PLPPR4: variants seen among roughly 807,000 people sequenced by gnomAD.
PLPPR4 encodes the protein phospholipid phosphatase-related protein type 4.
A neutral mutation model predicts 56.6 loss-of-function variants in PLPPR4; 24 were observed. The ratio of observed to expected loss-of-function variants is 0.42; its 90% CI spans 0.31 to 0.60. The LOEUF is 0.60. Ranked by LOEUF, PLPPR4 falls within the 20% of genes least tolerant of loss-of-function variation. PLPPR4 has a pLI of 0.13. For synonymous variants in PLPPR4, 326 were observed against 328.1 expected, an observed-to-expected ratio of 0.99 and a Z score of 0.07; for missense variants, 654 against 885.8, an observed-to-expected ratio of 0.74 and a Z score of 3.32.
At chr1:99,302,371 G>A (rs151112244) in intron 6 of PLPPR4, among the ~76,000 whole-genome samples, 1 of 151,920 alleles carries the variant, frequency 6.6e-6, no homozygotes, top group African/African-American at 2.4e-5. Context: ...AATATCCTCA[G>A]CATAAGGAAA....
At chr1:99,275,563 T>C in intron 1 of PLPPR4, among the ~76,000 whole-genome samples, 1 of 152,182 alleles carries the variant, frequency 6.6e-6, no homozygotes. Context: ...GCTTAATTAA[T>C]GAATATAGGG....
chr1:99,307,790 AAT>A lies in PLPPR4; in HGVS notation c.*781_*782del, dbSNP rs1435817241. 5.9e-5 allele frequency: 9 copies of A among 152,188 alleles called. No homozygotes were observed. The highest frequency in any genetic ancestry group is 2.2e-4 in the African/African-American group (9 of 41,462). 9.4% of individuals were successfully genotyped at this position (152,188 alleles called of 1,614,324 possible). On this transcript the variant is annotated 3_prime_UTR_variant, in exon 7 of 7. Transcript: ENST00000370185. Reference sequence around the variant, plus strand: ...TATTTAAGTATAGGTACTGCTAATGAATCTGTTTTCTTAGTGAGTAAATTTGC... The same window carrying A: ...TATTTAAGTATAGGTACTGCTAATGACTGTTTTCTTAGTGAGTAAATTTGC...
chr1:99,264,671 G>A lies in PLPPR4; in HGVS notation c.78G>A (p.Glu26=). 6.4e-7 allele frequency: 1 copy of A among 1,550,546 alleles called. No homozygotes were observed. Among genetic ancestry groups the A allele is most frequent in the Non-Finnish European group, 8.7e-7 (1 of 1,146,968 alleles). Residue 26 remains glutamate, a splice_region_variant and synonymous_variant, in exon 1 of 7, where the codon GAG becomes GAA. Transcript: ENST00000370185. ...TCCTGCCCTGCTTTTATTTCGTCGA[G>A]GTGAGTTGGCCCAGTGCCTTGGCAT... The part of the protein sequence containing the change: ...VTLLPCFYFV[E]LPILASSVVS...
chr1:99,305,232 A>G (rs924775260), intron 6 of PLPPR4, among the ~76,000 whole-genome samples: 1 of 152,174 alleles, frequency 6.6e-6, no homozygotes, highest in Non-Finnish European at 1.5e-5. Flanking sequence ...TATAAATGAT[A>G]TATTGTTCTA....
At chr1:99,276,230 A>T (rs1659182389) in intron 1 of PLPPR4, among the ~76,000 whole-genome samples, 1 of 152,150 alleles carries the variant, frequency 6.6e-6, no homozygotes, top group Admixed American at 6.6e-5. Flanking sequence ...TATGTAGGAG[A>T]CAAGCTTAGA....
intron 2 of PLPPR4, among the ~76,000 whole-genome samples, chr1:99,291,712 G>C (rs1392543276): frequency 6.6e-6 from 1 of 152,152 alleles, no homozygotes; most frequent in African/African-American, 2.4e-5. Context: ...TCATAACTGG[G>C]AGTTGAACAT....
At chr1:99,302,658 TC>T (rs913074925) in intron 6 of PLPPR4, among the ~76,000 whole-genome samples, 3 of 96,524 alleles carry the variant, frequency 3.1e-5, no homozygotes, top group Non-Finnish European at 6.0e-5. Context: ...AAGCTATCCC[TC>T]CCCCCTCCCC....
rs537050409 is a variant in PLPPR4, at chr1:99,300,753, T to C, written c.591-156T>C. On this transcript the variant is annotated intron_variant, in intron 4 of 6. Coordinates refer to ENST00000370185, the MANE Select transcript of PLPPR4 (RefSeq NM_014839.5). ...TGATTAGCAGCATTTATTTTATCAC[T>C]AAGGTCTTTCACCAGAAAGCTGGAC... Among the ~76,000 whole-genome samples the C allele has an allele frequency of 1.4e-4, 22 of 152,216 alleles. No homozygotes were observed. In the South Asian group the frequency reaches 4.4e-3, roughly 30 times the overall value.
chr1:99,306,577 T>C lies in PLPPR4; in HGVS notation c.1715T>C (p.Ile572Thr), dbSNP rs1416597774. Reference sequence around the variant, plus strand: ...TTGACAGACCATGAGCCCAGTGGGATAGTGAGGGTTGAGGCTCACCCAGAG... The same window carrying C: ...TTGACAGACCATGAGCCCAGTGGGACAGTGAGGGTTGAGGCTCACCCAGAG... Reference protein sequence around the residue: ...KTLTDHEPSGIVRVEAHPENN... With the variant: ...KTLTDHEPSGTVRVEAHPENN... Residue 572 changes from isoleucine (I) to threonine (T), a missense_variant, in exon 7 of 7, where the codon ATA (isoleucine) becomes ACA (threonine). Physicochemically the swap from Ile to Thr is moderately conservative, Grantham distance 89. Transcript: ENST00000370185. The surrounding 1 kb of genome is among the most constrained non-coding windows in gnomAD (Gnocchi z 4.0). 3.7e-6 allele frequency: 6 copies of C among 1,613,966 alleles called. No individual in the cohort carries two copies. The highest frequency in any genetic ancestry group is 4.2e-6 in the Non-Finnish European group (5 of 1,179,984).
intron 6 of PLPPR4, among the ~76,000 whole-genome samples, 189 bp from the exon 7 acceptor site, chr1:99,305,496 T>G (rs1659999262): frequency 6.6e-6 from 1 of 152,242 alleles, no homozygotes; most frequent in South Asian, 2.1e-4. Context: ...GAGCAATTCA[T>G]GCAGCGATTT....
Position 99,288,063 on chromosome 1 carries a change from T to A in PLPPR4, c.177T>A (p.Ser59Arg). 1 of 1,613,834 alleles carries A rather than the reference T, an allele frequency of 6.2e-7. No homozygotes were observed. The highest frequency in any genetic ancestry group is 1.1e-5 in the South Asian group (1 of 91,056). ...CTGGATTTAGCTGCTATGACCGGAG[T>A]CTTAGCATGCCGTACATTGAACCAA... ...VHSGFSCYDR[S>R]LSMPYIEPTQ... The change falls in exon 2 of 7, where the codon AGT becomes AGA. Residue 59 changes from serine (S) to arginine (R), a missense_variant. By Grantham distance (110) the Ser-to-Arg change is moderately radical. Transcript: ENST00000370185.
intron 1 of PLPPR4, among the ~76,000 whole-genome samples, chr1:99,272,670 C>G (rs1187998083): frequency 6.6e-6 from 1 of 152,052 alleles, no homozygotes; most frequent in African/African-American, 2.4e-5. Flanking sequence ...CCTAAGTGCC[C>G]ACCTGTAATT....
chr1:99,273,148 T>C (rs571022890), intron 1 of PLPPR4, among the ~76,000 whole-genome samples: 3 of 152,194 alleles, frequency 2.0e-5, no homozygotes, highest in Admixed American at 6.6e-5. Flanking sequence ...AGAACTAACA[T>C]TGAGGTGTTT....
intron 1 of PLPPR4, among the ~76,000 whole-genome samples, chr1:99,267,070 G>T (rs1036205115): frequency 9.9e-5 from 15 of 152,202 alleles, no homozygotes; most frequent in African/African-American, 3.6e-4. Flanking sequence ...TCAGTCTAAA[G>T]CATATATTTT....
chr1:99,305,560 T>C, intron 6 of PLPPR4, 125 bp from the exon 7 acceptor site: 2 of 864,668 alleles, frequency 2.3e-6, no homozygotes, highest in South Asian at 1.8e-5. Context: ...CATGTTTCAT[T>C]ATTTGTACTA....
intron 6 of PLPPR4, among the ~76,000 whole-genome samples, chr1:99,302,371 G>C (rs151112244): frequency 0.016 from 2,378 of 152,028 alleles, 29 homozygotes; most frequent in Non-Finnish European, 0.026. Context: ...AATATCCTCA[G>C]CATAAGGAAA....
chr1:99,271,943 T>TGTGTGTGAGA (rs140869914), intron 1 of PLPPR4, among the ~76,000 whole-genome samples: 2 of 126,970 alleles, frequency 1.6e-5, no homozygotes, highest in East Asian at 2.4e-4. Context: ...TGTGTGTGTG[T>TGTGTGTGAGA]GATGGAGATC....
At chr1:99,271,669 C>T (rs889050094) in intron 1 of PLPPR4, among the ~76,000 whole-genome samples, 1 of 151,996 alleles carries the variant, frequency 6.6e-6, no homozygotes, top group Non-Finnish European at 1.5e-5. Context: ...AAGAAGCGTC[C>T]TCTGGGCAAG....
Position 99,306,216 on chromosome 1 carries a change from C to G in PLPPR4, c.1354C>G (p.Gln452Glu), listed in dbSNP as rs753235964. The G allele has an allele frequency of 1.9e-6, 3 of 1,614,134 alleles. No homozygotes were observed. Residue 452 changes from glutamine to glutamate, a missense_variant, in exon 7 of 7, where the codon CAG becomes GAG. Gln to Glu is a conservative substitution (Grantham distance 29, BLOSUM62 2). Around this residue, in one of 2 missense-constraint regions of PLPPR4, gnomAD observed 468 missense variants for 554.3 expected, o/e 0.84. Coordinates refer to ENST00000370185, the MANE Select transcript of PLPPR4 (RefSeq NM_014839.5). The surrounding 1 kb of genome is among the most constrained non-coding windows in gnomAD (Gnocchi z 4.0). ...VNGDHHGPGN[Q>E]YLKIQPGAVP... The stretch of plus-strand genomic sequence containing the variant: ...TGGAGACCACCATGGTCCTGGCAAT[C>G]AGTACCTCAAAATCCAGCCTGGCGC...
Sources: allele counts gnomAD v4.1 joint callset (sites outside exome capture counted in the v4.1 genomes callset), GRCh38; gene constraint gnomAD v4.1.1; regional missense constraint gnomAD v4.1.1; non-coding constraint Gnocchi (gnomAD v3.1); transcripts MANE v1.5; gene names NCBI Gene and HGNC (gene_info 2026-07-23, HGNC 2026-07-21).